The following NRXN1 variants were observed in gnomAD, a reference collection of about 807,000 sequenced individuals.
NRXN1 encodes neurexin-1.
Under a neutral mutation model 150.9 loss-of-function variants are expected in NRXN1, and 39 were observed. The observed-to-expected ratio is 0.26, with a 90% confidence interval of 0.20 to 0.34. NRXN1 has a LOEUF of 0.34. NRXN1 is among the 10% of genes least tolerant of loss of function. The pLI, the probability that NRXN1 is intolerant of heterozygous loss-of-function variation, is 1.00. For missense variants in NRXN1, 1,815 were observed against 1,949.9 expected (o/e 0.93, Z 1.30); for synonymous variants, 924 against 757.0 (o/e 1.22, Z -3.62).
At chr2:50,224,473 G>A (rs545789832) in intron 18 of NRXN1, among the ~76,000 whole-genome samples, 3 of 151,972 alleles carry the variant, frequency 2.0e-5, no homozygotes, top group South Asian at 2.1e-4. Flanking sequence ...TTTAGTTACC[G>A]TTCTTCTGAC....
intron 8 of NRXN1, among the ~76,000 whole-genome samples, chr2:50,556,520 T>TTAAAGAGTGATTC (rs1553785490): frequency 6.7e-5 from 10 of 148,976 alleles, no homozygotes; most frequent in South Asian, 2.1e-4. Context: ...TTTTTTTTTT[T>TTAAAGAGTGATTC]AAAGAGTGAT....
intron 18 of NRXN1, among the ~76,000 whole-genome samples, chr2:50,215,969 G>A (rs1028107534): frequency 6.6e-6 from 1 of 152,018 alleles, no homozygotes; most frequent in African/African-American, 2.4e-5. Context: ...TGGTGACATT[G>A]GTTAAATATT....
chr2:50,716,618 G>C (rs1414892959), intron 5 of NRXN1, among the ~76,000 whole-genome samples: 1 of 152,060 alleles, frequency 6.6e-6, no homozygotes, highest in Non-Finnish European at 1.5e-5. Flanking sequence ...TTGCATTCTA[G>C]TTACCTAAAT....
intron 5 of NRXN1, among the ~76,000 whole-genome samples, chr2:50,751,683 T>C (rs1358427778): frequency 1.3e-5 from 2 of 151,934 alleles, no homozygotes; most frequent in African/African-American, 4.8e-5. Flanking sequence ...GATTCCTGCA[T>C]TAAAGAGTAA....
At chr2:50,768,721 G>T (rs1047183601) in intron 5 of NRXN1, among the ~76,000 whole-genome samples, 1 of 151,926 alleles carries the variant, frequency 6.6e-6, no homozygotes, top group Non-Finnish European at 1.5e-5. Context: ...GGAAGGGATA[G>T]CTGGTTGCAG....
intron 21 of NRXN1, among the ~76,000 whole-genome samples, chr2:50,049,063 C>T (rs959158407): frequency 6.6e-6 from 1 of 152,044 alleles, no homozygotes; most frequent in Non-Finnish European, 1.5e-5. Context: ...AAGAACAGGA[C>T]ATAATATGTA....
chr2:50,392,814 G>T (rs1181284473), intron 17 of NRXN1, among the ~76,000 whole-genome samples: 3 of 152,062 alleles, frequency 2.0e-5, no homozygotes, highest in African/African-American at 7.2e-5. Context: ...GTTTGGCCAA[G>T]GTAGTGTATT....
intron 21 of NRXN1, among the ~76,000 whole-genome samples, chr2:49,982,741 GT>G (rs1405909902): frequency 6.6e-6 from 1 of 151,942 alleles, no homozygotes; most frequent in African/African-American, 2.4e-5. Context: ...CCTATTCTGT[GT>G]TTTTTAGATA....
At chr2:50,482,726 T>G (rs1318281637) in intron 15 of NRXN1, among the ~76,000 whole-genome samples, 1 of 152,076 alleles carries the variant, frequency 6.6e-6, no homozygotes, top group African/African-American at 2.4e-5. Flanking sequence ...GGTTAGATGT[T>G]CTTAGTAACA....
At chr2:49,923,692 A>G (rs1001124536) in intron 22 of NRXN1, among the ~76,000 whole-genome samples, 2 of 152,178 alleles carry the variant, frequency 1.3e-5, no homozygotes, top group Non-Finnish European at 2.9e-5. Context: ...CCATTTTCAA[A>G]TATCACCAAT....
At chr2:50,317,053 A>T (rs2152969809) in intron 17 of NRXN1, among the ~76,000 whole-genome samples, 1 of 152,170 alleles carries the variant, frequency 6.6e-6, no homozygotes, top group South Asian at 2.1e-4. Flanking sequence ...TGCTGCCAAT[A>T]TCATGTACTG....
At chr2:50,768,782 TACATATTGATAGCTC>T (rs1702651755) in intron 5 of NRXN1, among the ~76,000 whole-genome samples, 1 of 151,820 alleles carries the variant, frequency 6.6e-6, no homozygotes, top group Non-Finnish European at 1.5e-5. Flanking sequence ...AAAATTATTT[TACATATTGATAGCTC>T]ACAACTCCCT....
chr2:50,390,075 T>C (rs1572794136), intron 17 of NRXN1, among the ~76,000 whole-genome samples: 1 of 152,194 alleles, frequency 6.6e-6, no homozygotes, highest in East Asian at 1.9e-4. Flanking sequence ...TTAGACTGTA[T>C]TGAGTATCAA....
At chr2:49,923,327 A>C (rs1194444638) in intron 22 of NRXN1, among the ~76,000 whole-genome samples, 1 of 152,142 alleles carries the variant, frequency 6.6e-6, no homozygotes, top group African/African-American at 2.4e-5. Context: ...TTCCTTGTGA[A>C]TTGTGTTTTC....
chr2:50,879,902 G>A (rs145204363), intron 5 of NRXN1, among the ~76,000 whole-genome samples: 2 of 151,844 alleles, frequency 1.3e-5, no homozygotes, highest in South Asian at 2.1e-4. Flanking sequence ...ACGTATTTGC[G>A]GCAGGCTCCG....
chr2:50,980,085 G>T (rs1013467375), intron 2 of NRXN1, among the ~76,000 whole-genome samples: 3 of 152,058 alleles, frequency 2.0e-5, no homozygotes, highest in Non-Finnish European at 4.4e-5. Flanking sequence ...GCTATGGTTG[G>T]AATGGTTTTA....
intron 5 of NRXN1, among the ~76,000 whole-genome samples, chr2:50,903,308 A>G (rs1313598753): frequency 6.6e-6 from 1 of 152,138 alleles, no homozygotes; most frequent in Admixed American, 6.5e-5. Flanking sequence ...AGTCTTGTTG[A>G]CCAAAATGAC....
intron 5 of NRXN1, among the ~76,000 whole-genome samples, chr2:50,747,166 T>C (rs1700121848): frequency 6.6e-6 from 1 of 152,034 alleles, no homozygotes; most frequent in Non-Finnish European, 1.5e-5. Flanking sequence ...AACGGGTCAT[T>C]TAGGTTGCAC....
intron 2 of NRXN1, among the ~76,000 whole-genome samples, chr2:50,952,504 T>A (rs1435927471): frequency 2.0e-5 from 3 of 152,192 alleles, no homozygotes; most frequent in Non-Finnish European, 4.4e-5. Context: ...CAAGTTTTTA[T>A]TAATAACTTG....
Sources: allele counts gnomAD v4.1 joint callset (sites outside exome capture counted in the v4.1 genomes callset), GRCh38; gene constraint gnomAD v4.1.1; transcripts MANE v1.5; gene names NCBI Gene and HGNC (gene_info 2026-07-23, HGNC 2026-07-21).